Variants in TSC22D2 observed in about 807,000 individuals in gnomAD.
TSC22D2 encodes TSC22 domain family protein 2.
Under a neutral mutation model 50.1 loss-of-function variants are expected in TSC22D2, and 5 were observed. The ratio of observed to expected loss-of-function variants is 0.10; its 90% CI spans 0.05 to 0.21. The LOEUF is 0.21. Among genes scored for constraint, TSC22D2 ranks in the 10% least tolerant of loss-of-function variants. The pLI, the probability that TSC22D2 is intolerant of heterozygous loss-of-function variation, is 1.00. For synonymous variants in TSC22D2, 501 were observed against 450.1 expected (o/e 1.11, Z -1.43); for missense variants, 1,003 against 1,015.5 (o/e 0.99, Z 0.17).
At chr3:150,457,217 A>G (rs975894465) in intron 2 of TSC22D2, 90 bp downstream of exon 2, 30 of 1,216,966 alleles carry the variant, frequency 2.5e-5, no homozygotes, top group Admixed American at 1.2e-4. Context: ...CAAATAAGTT[A>G]TTTAAACCAA....
intron 1 of TSC22D2, among the ~76,000 whole-genome samples, chr3:150,422,640 T>C (rs972310410): frequency 2.0e-5 from 3 of 152,232 alleles, no homozygotes; most frequent in Non-Finnish European, 4.4e-5. Context: ...TGTGAAGATA[T>C]AGCTTAACTT....
At chr3:150,450,901 A>G (rs564284586) in intron 1 of TSC22D2, among the ~76,000 whole-genome samples, 7 of 152,294 alleles carry the variant, frequency 4.6e-5, no homozygotes, top group African/African-American at 1.7e-4. Context: ...TTTAGTAGTA[A>G]TGATGTTATT....
At chr3:150,413,098 T>G (rs1719652505) in intron 1 of TSC22D2, among the ~76,000 whole-genome samples, 1 of 152,162 alleles carries the variant, frequency 6.6e-6, no homozygotes, top group Admixed American at 6.5e-5. Context: ...CTCAGAACTT[T>G]AGTACGATGA....
intron 1 of TSC22D2, among the ~76,000 whole-genome samples, chr3:150,413,170 G>A (rs1162296478): frequency 6.6e-6 from 1 of 152,184 alleles, no homozygotes; most frequent in African/African-American, 2.4e-5. Context: ...TTTAGGGTAT[G>A]ACATCAAAAA....
At chr3:150,452,623 A>G (rs957835448) in intron 1 of TSC22D2, among the ~76,000 whole-genome samples, 2 of 152,178 alleles carry the variant, frequency 1.3e-5, no homozygotes. Context: ...GCCAGTTAGG[A>G]TCAATTAAAA....
At chr3:150,433,383 C>T (rs1720440057) in intron 1 of TSC22D2, among the ~76,000 whole-genome samples, 1 of 152,188 alleles carries the variant, frequency 6.6e-6, no homozygotes, top group African/African-American at 2.4e-5. Flanking sequence ...AGTATCAATG[C>T]TAATGGTGGT....
chr3:150,461,961 T>G lies in TSC22D2; in HGVS notation c.*3325T>G, dbSNP rs938388869. On this transcript the variant is annotated 3_prime_UTR_variant, in exon 3 of 3. Transcript: ENST00000688009. ...TGGAAACAATTTTTAAGATTTGAAG[T>G]CACATTTTTAAAAGAAGCTTTATGG... is the stretch of plus-strand genomic sequence containing the variant. 3 of 152,140 alleles carry G rather than the reference T, an allele frequency of 2.0e-5. No individual in the cohort carries two copies. Among genetic ancestry groups the G allele is most frequent in the Non-Finnish European group, 4.4e-5 (3 of 68,018 alleles). 9.4% of individuals were successfully genotyped at this position (152,140 alleles called of 1,614,324 possible). A position where few individuals can be genotyped will look rare whatever the true frequency, so the allele number is the denominator to read the frequency against.
At chr3:150,429,928 G>C (rs1300290699) in intron 1 of TSC22D2, among the ~76,000 whole-genome samples, 1 of 152,094 alleles carries the variant, frequency 6.6e-6, no homozygotes. Flanking sequence ...TCAGAATGAA[G>C]CTGAGGGAAA....
At chr3:150,454,434 T>C (rs1721128890) in intron 1 of TSC22D2, among the ~76,000 whole-genome samples, 1 of 152,200 alleles carries the variant, frequency 6.6e-6, no homozygotes, top group Non-Finnish European at 1.5e-5. Flanking sequence ...GTTTTAAAAA[T>C]AGAATTAGGC....
At chr3:150,455,933 C>G (rs1428494099) in intron 1 of TSC22D2, among the ~76,000 whole-genome samples, 2 of 151,890 alleles carry the variant, frequency 1.3e-5, no homozygotes, top group Non-Finnish European at 2.9e-5. Context: ...GGTATAAATT[C>G]CAGCTATTCT....
At chr3:150,421,062 G>A (rs999527783) in intron 1 of TSC22D2, among the ~76,000 whole-genome samples, 2 of 152,166 alleles carry the variant, frequency 1.3e-5, no homozygotes, top group Non-Finnish European at 2.9e-5. Context: ...CAGCCTGAGC[G>A]ACAAGAGTGA....
chr3:150,416,081 GA>G (rs1368506927), intron 1 of TSC22D2, among the ~76,000 whole-genome samples: 12 of 152,202 alleles, frequency 7.9e-5, no homozygotes, highest in African/African-American at 2.7e-4. Context: ...AGGAGTTGGG[GA>G]AGGGGAAGTG....
chr3:150,410,235 C>T lies in TSC22D2; in HGVS notation c.885C>T (p.Phe295=), dbSNP rs1479444096. 1.9e-6 allele frequency: 3 copies of T among 1,569,648 alleles called. No individual in the cohort carries two copies. The highest frequency in any genetic ancestry group is 2.6e-6 in the Non-Finnish European group (3 of 1,157,934). ...VAQSSAPLPP[F]PGAATGPQPM... ...AAAGCTCGGCTCCGCTGCCGCCGTT[C>T]CCGGGAGCCGCGACCGGGCCGCAGC... Residue 295 remains phenylalanine (F), a synonymous_variant, in exon 1 of 3, where the codon TTC becomes TTT. Transcript: ENST00000688009.
At chr3:150,448,895 T>TAA (rs1491086426) in intron 1 of TSC22D2, among the ~76,000 whole-genome samples, 4 of 146,858 alleles carry the variant, frequency 2.7e-5, no homozygotes, top group East Asian at 2.0e-4. Flanking sequence ...TATATATATA[T>TAA]AATTAGGGGA....
At chr3:150,411,346 C>T (rs773060811) in intron 1 of TSC22D2, 38 bp downstream of exon 1, 2 of 1,552,352 alleles carry the variant, frequency 1.3e-6, no homozygotes, top group East Asian at 2.3e-5. Flanking sequence ...GATAGAAATG[C>T]TTGGCCAACA....
chr3:150,409,649 C>A lies in TSC22D2; in HGVS notation c.299C>A (p.Ala100Asp). Residue 100 changes from alanine to aspartate, a missense_variant, in exon 1 of 3, where the codon GCT (alanine) becomes GAT (aspartate). Around this residue, in one of 6 missense-constraint regions of TSC22D2, gnomAD observed 200 missense variants for 182.8 expected, o/e 1.09. Coordinates refer to ENST00000688009, the MANE Select transcript of TSC22D2 (RefSeq NM_001303264.2). The surrounding 1 kb of genome is among the most constrained non-coding windows in gnomAD (Gnocchi z 7.4). ...GGGCAGCTGGCAGCGGCGGCTGCTG[C>A]TCCCGCCAACGGAGGAGGAGTCGTT... The part of the protein sequence containing the change: ...LDGQLAAAAA[A>D]PANGGGVVSA... 1 of 1,606,058 alleles carries A rather than the reference C, an allele frequency of 6.2e-7. No individual in the cohort carries two copies.
chr3:150,410,504 T>A lies in TSC22D2; in HGVS notation c.1154T>A (p.Val385Glu). 1.3e-6 allele frequency: 2 copies of A among 1,596,588 alleles called. No homozygotes were observed. The highest frequency in any genetic ancestry group is 1.7e-6 in the Non-Finnish European group (2 of 1,173,196). The change falls in exon 1 of 3, where the codon GTG becomes GAG. Residue 385 changes from valine (V) to glutamate (E), a missense_variant. Physicochemically the swap from Val to Glu is moderately radical, Grantham distance 121. Transcript: ENST00000688009. ...CAGAGTGAGTACCTGCAGCAGCACGTGGCCGGCCTGCAGCCGCCAAGCCCC... is the reference window on the plus strand; with the variant it reads ...CAGAGTGAGTACCTGCAGCAGCACGAGGCCGGCCTGCAGCCGCCAAGCCCC... ...SGQSEYLQQH[V>E]AGLQPPSPAQ...
chr3:150,443,736 TAG>T (rs1560089459), intron 1 of TSC22D2, among the ~76,000 whole-genome samples: 1 of 152,204 alleles, frequency 6.6e-6, no homozygotes, highest in Non-Finnish European at 1.5e-5. Context: ...TTTGATTCAG[TAG>T]AGAGTGAGAT....
At chr3:150,443,131 A>C (rs1317982298) in intron 1 of TSC22D2, among the ~76,000 whole-genome samples, 2 of 152,142 alleles carry the variant, frequency 1.3e-5, no homozygotes, top group Admixed American at 1.3e-4. Flanking sequence ...GTTCCTTTCA[A>C]GTTGTCATCC....
Sources: allele counts gnomAD v4.1 joint callset (sites outside exome capture counted in the v4.1 genomes callset), GRCh38; gene constraint gnomAD v4.1.1; regional missense constraint gnomAD v4.1.1; non-coding constraint Gnocchi (gnomAD v3.1); transcripts MANE v1.5; gene names NCBI Gene and HGNC (gene_info 2026-07-23, HGNC 2026-07-21).